Variants in CNOT4 observed in about 807,000 individuals in gnomAD.
CNOT4 encodes CCR4-NOT transcription complex subunit 4, also known as CCR4-associated factor 4.
Under a neutral mutation model 73.8 loss-of-function variants are expected in CNOT4, and 8 were observed. The ratio of observed to expected loss-of-function variants is 0.11; its 90% confidence interval spans 0.06 to 0.20. The LOEUF is 0.20. Ranked by LOEUF, CNOT4 falls within the 10% of genes least tolerant of loss-of-function variation. CNOT4 has a pLI of 1.00. For missense variants in CNOT4, 564 were observed against 883.4 expected, an observed-to-expected ratio of 0.64 and a Z score of 4.58; for synonymous variants, 293 against 321.1, an observed-to-expected ratio of 0.91 and a Z score of 0.94.
intron 6 of CNOT4, among the ~76,000 whole-genome samples, chr7:135,413,214 C>T (rs1193324208): frequency 1.3e-5 from 2 of 151,946 alleles, no homozygotes; most frequent in Non-Finnish European, 2.9e-5. Context: ...TCTGTATTAG[C>T]ATATTAAGGA....
At chr7:135,496,186 G>A (rs1488343455) in intron 1 of CNOT4, among the ~76,000 whole-genome samples, 1 of 152,016 alleles carries the variant, frequency 6.6e-6, no homozygotes, top group Non-Finnish European at 1.5e-5. Context: ...TCCACCTCCC[G>A]GGTTCAAGTG....
At chr7:135,477,698 A>G (rs1585706830) in intron 1 of CNOT4, among the ~76,000 whole-genome samples, 1 of 152,350 alleles carries the variant, frequency 6.6e-6, no homozygotes, top group Non-Finnish European at 1.5e-5. Flanking sequence ...AATTTAATAA[A>G]CACACAACTG....
Position 135,438,488 on chromosome 7 carries a change from G to A in CNOT4, c.-92-65C>T, listed in dbSNP as rs1272387633. Reference sequence around the variant, plus strand: ...AAAATGGCACAGTCAACAATTAAGAGTCACACTGTCAAAAAATTTGAAAAA... The same window carrying A: ...AAAATGGCACAGTCAACAATTAAGAATCACACTGTCAAAAAATTTGAAAAA... On this transcript the variant is annotated intron_variant, in intron 1 of 11. Coordinates refer to ENST00000541284, the MANE Select transcript of CNOT4 (RefSeq NM_001190850.2). 2.1e-5 allele frequency: 10 copies of A among 471,618 alleles called. No homozygotes were observed. The Admixed American group carries it at 2.1e-4, about 10-fold the overall frequency. 29.2% of individuals were successfully genotyped at this position (471,618 alleles called of 1,614,324 possible). A position where few individuals can be genotyped will look rare whatever the true frequency, so the allele number is the denominator to read the frequency against.
At chr7:135,484,117 C>A (rs1322650161) in intron 1 of CNOT4, among the ~76,000 whole-genome samples, 1 of 152,192 alleles carries the variant, frequency 6.6e-6, no homozygotes, top group East Asian at 1.9e-4. Context: ...ATCACTTGAC[C>A]CTGGGAGGCG....
intron 1 of CNOT4, among the ~76,000 whole-genome samples, chr7:135,482,372 A>T (rs1395694558): frequency 2.6e-5 from 4 of 151,318 alleles, no homozygotes; most frequent in East Asian, 2.0e-4. Flanking sequence ...CCTGGGCAAC[A>T]TGCAGAGACC....
rs533800989 is a variant in CNOT4, at chr7:135,364,593, G to A, written c.1628-527C>T. On this transcript the variant is annotated intron_variant, in intron 10 of 11. Coordinates refer to ENST00000541284, the MANE Select transcript of CNOT4 (RefSeq NM_001190850.2). The surrounding 1 kb of genome is among the most constrained non-coding windows in gnomAD (Gnocchi z 4.3). The stretch of plus-strand genomic sequence containing the variant: ...ATAAAACTGGCAATGTGCTTCAGAA[G>A]AGAAAAGCAGTAATGAACAGGCTTT... Among the ~76,000 whole-genome samples the A allele has an allele frequency of 4.0e-4, 61 of 152,338 alleles. No homozygotes were observed. The highest frequency in any genetic ancestry group is 1.4e-3 in the African/African-American group (57 of 41,580).
intron 10 of CNOT4, among the ~76,000 whole-genome samples, chr7:135,365,742 G>A (rs1211517025): frequency 6.6e-6 from 1 of 152,206 alleles, no homozygotes; most frequent in African/African-American, 2.4e-5. Flanking sequence ...AAGCATTATA[G>A]TGTGTCCACT....
At chr7:135,416,688 C>T (rs529027410) in intron 3 of CNOT4, among the ~76,000 whole-genome samples, 9 of 152,264 alleles carry the variant, frequency 5.9e-5, no homozygotes, top group African/African-American at 1.9e-4. Context: ...TCAGTCAGGC[C>T]GGTCACAGGT....
chr7:135,458,540 G>A lies in CNOT4; in HGVS notation c.-92-20117C>T, dbSNP rs118033403. Among the ~76,000 whole-genome samples the A allele has an allele frequency of 2.9e-3, 447 of 152,164 alleles. 9 individuals are homozygous for A. The highest frequency in any genetic ancestry group is 4.9e-3 in the Non-Finnish European group (330 of 67,994). ...TACTGTTTGATAGCATTTTACCCAC[G>A]TAGAACCTCTTTCAAAATTGGAGGC... On this transcript the variant is annotated intron_variant, in intron 1 of 11. Coordinates refer to ENST00000541284, the MANE Select transcript of CNOT4 (RefSeq NM_001190850.2).
rs374055552 is a variant in CNOT4 at position 135,394,249 on chromosome 7, C to T, written c.1296G>A (p.Ser432=). 43 of 1,613,912 alleles carry T rather than the reference C, an allele frequency of 2.7e-5. No individual in the cohort carries two copies. The highest frequency in any genetic ancestry group is 8.8e-5 in the South Asian group (8 of 91,076). ...AAGAGGAGTTCTGAAGAGATGTGGG[C>T]GAAAGGGAAGGTTGGTCTTGAACGG... The part of the protein sequence containing the change: ...ELSVQDQPSL[S]PTSLQNSSSH... Residue 432 remains serine (S), a synonymous_variant, in exon 10 of 12, where the codon TCG becomes TCA. Coordinates refer to ENST00000541284, the MANE Select transcript of CNOT4 (RefSeq NM_001190850.2).
chr7:135,366,127 G>A (rs12707227), intron 10 of CNOT4, among the ~76,000 whole-genome samples: 36,247 of 152,124 alleles, frequency 0.24, 4,661 homozygotes, highest in East Asian at 0.52. Context: ...AGTGGCTAAT[G>A]TCCCTAAGAA....
At chr7:135,420,892 C>T (rs1216489328) in intron 3 of CNOT4, among the ~76,000 whole-genome samples, 1 of 151,970 alleles carries the variant, frequency 6.6e-6, no homozygotes, top group Non-Finnish European at 1.5e-5. Flanking sequence ...AAAATGAGCT[C>T]TTTGCTGAAC....
intron 1 of CNOT4, among the ~76,000 whole-genome samples, chr7:135,495,798 A>G (rs1024667560): frequency 2.0e-5 from 3 of 151,372 alleles, no homozygotes; most frequent in African/African-American, 4.8e-5. Context: ...TGGGAGCAAT[A>G]GCTCATATCT....
At chr7:135,492,336 T>C (rs2129487729) in intron 1 of CNOT4, among the ~76,000 whole-genome samples, 1 of 151,828 alleles carries the variant, frequency 6.6e-6, no homozygotes, top group East Asian at 1.9e-4. Flanking sequence ...ACTCAAAGAG[T>C]TGATTTACCT....
intron 1 of CNOT4, among the ~76,000 whole-genome samples, chr7:135,503,154 AAAAT>A (rs1287248128): frequency 6.6e-6 from 1 of 151,994 alleles, no homozygotes; most frequent in Non-Finnish European, 1.5e-5. Flanking sequence ...ACACCATCTC[AAAAT>A]AAATAAATAA....
chr7:135,368,125 C>T (rs936019783), intron 10 of CNOT4, among the ~76,000 whole-genome samples: 6 of 151,962 alleles, frequency 3.9e-5, no homozygotes, highest in African/African-American at 9.7e-5. Context: ...TTTCAAGATG[C>T]GACGTGTCAC....
Position 135,382,692 on chromosome 7 carries a change from G to T in CNOT4, c.1627+11226C>A, listed in dbSNP as rs1795916290. Among the ~76,000 whole-genome samples the T allele has an allele frequency of 2.0e-5, 3 of 151,996 alleles. No individual in the cohort carries two copies. The South Asian group carries it at 6.2e-4, about 32-fold the overall frequency. On this transcript the variant is annotated intron_variant, in intron 10 of 11. Coordinates refer to ENST00000541284, the MANE Select transcript of CNOT4 (RefSeq NM_001190850.2). Reference sequence around the variant, plus strand: ...TTTAAAAAATTGTGTAATTTATTAAGCATGCAGTTTTCGTCAGTCTCTAAA... The same window carrying T: ...TTTAAAAAATTGTGTAATTTATTAATCATGCAGTTTTCGTCAGTCTCTAAA...
intron 7 of CNOT4, among the ~76,000 whole-genome samples, chr7:135,403,954 C>T (rs1165634781): frequency 6.6e-6 from 1 of 152,142 alleles, no homozygotes; most frequent in Non-Finnish European, 1.5e-5. Context: ...TGCTTTCATT[C>T]TAGTAAACAA....
intron 7 of CNOT4, among the ~76,000 whole-genome samples, chr7:135,400,202 T>C (rs1264118668): frequency 6.6e-6 from 1 of 151,922 alleles, no homozygotes; most frequent in Non-Finnish European, 1.5e-5. Flanking sequence ...CAGAGCTAAG[T>C]ATTTAGTTTA....
Sources: gnomAD v4.1 joint callset for allele counts (sites outside exome capture counted in the v4.1 genomes callset) on GRCh38, gnomAD v4.1.1 for gene constraint, Gnocchi (gnomAD v3.1) non-coding constraint, MANE v1.5 for transcripts, NCBI Gene and HGNC (gene_info 2026-07-23, HGNC 2026-07-21) for gene names.